STK24: variants seen among roughly 807,000 people sequenced by gnomAD.
STK24 encodes serine/threonine-protein kinase 24.
STK24 carries 21 observed loss-of-function variants against 55.6 expected under a neutral mutation model. The ratio of observed to expected loss-of-function variants is 0.38; its 90% confidence interval spans 0.27 to 0.54. STK24 has a LOEUF of 0.54. Ranked by LOEUF, STK24 falls within the 20% of genes least tolerant of loss-of-function variation. STK24 has a pLI of 0.79. For missense variants in STK24, 383 were observed against 538.4 expected (o/e 0.71, Z 2.86); for synonymous variants, 200 against 215.2 (o/e 0.93, Z 0.62).
At position 98,448,609 on chromosome 13, in the gene STK24, C is replaced by G. The variant is rs1442262087; in HGVS notation, c.*4564G>C. 2.8e-6 allele frequency: 1 copy of G among 362,362 alleles called. No homozygotes were observed. Among genetic ancestry groups the G allele is most frequent in the African/African-American group, 2.1e-5 (1 of 47,524 alleles). 22.4% of individuals were successfully genotyped at this position (362,362 alleles called of 1,614,324 possible). A position where few individuals can be genotyped will look rare whatever the true frequency, so the allele number is the denominator to read the frequency against. On this transcript the variant is annotated 3_prime_UTR_variant, in exon 11 of 11. Transcript: ENST00000539966. ...CAAATGACATCTTCCCTCCACCCTGCCCCTGAAAAACAGTACACACACATC... is the reference window on the plus strand; with the variant it reads ...CAAATGACATCTTCCCTCCACCCTGGCCCTGAAAAACAGTACACACACATC...
At position 98,466,359 on chromosome 13, in the gene STK24, A is replaced by G; in HGVS notation, c.783+17T>C. On this transcript the variant is annotated intron_variant, in intron 6 of 10. Transcript: ENST00000539966. ...GCCGCACATGAAGAGGTACGCTGTG[A>G]TCCCTGGGAAACTTACAAAGCTCGG... 1 of 1,611,302 alleles carries G rather than the reference A, an allele frequency of 6.2e-7. No individual in the cohort carries two copies. Among genetic ancestry groups the G allele is most frequent in the South Asian group, 1.1e-5 (1 of 90,928 alleles).
At chr13:98,550,450 G>A (rs543760473) in intron 1 of STK24, among the ~76,000 whole-genome samples, 4 of 152,262 alleles carry the variant, frequency 2.6e-5, no homozygotes, top group Admixed American at 6.5e-5. Context: ...GATCGCCTGC[G>A]CCTGGGAGGT....
At position 98,551,012 on chromosome 13, in the gene STK24, C is replaced by T. The variant is rs138443921; in HGVS notation, c.42+25733G>A. Among the ~76,000 whole-genome samples the T allele has an allele frequency of 8.9e-4, 135 of 152,138 alleles. 2 individuals are homozygous for T. In the East Asian group the frequency reaches 0.025, roughly 28 times the overall value. On this transcript the variant is annotated intron_variant, in intron 1 of 10. Transcript: ENST00000539966. ...CTATAAAAATCAACACTTGGCCGGGCGTGGTGGCTCACGCCTGTAATCCCA... is the reference window on the plus strand; with the variant it reads ...CTATAAAAATCAACACTTGGCCGGGTGTGGTGGCTCACGCCTGTAATCCCA...
chr13:98,463,713 A>G lies in STK24; in HGVS notation c.907T>C (p.Ser303Pro), dbSNP rs1199137075. 11 of 1,613,928 alleles carry G rather than the reference A, an allele frequency of 6.8e-6. No homozygotes were observed. The highest frequency in any genetic ancestry group is 9.3e-6 in the Non-Finnish European group (11 of 1,179,970). Residue 303 changes from serine (S) to proline (P), a missense_variant, in exon 7 of 11, where the codon TCG becomes CCG. Physicochemically the swap from Ser to Pro is moderately conservative, Grantham distance 74 (BLOSUM62 -1). Coordinates refer to ENST00000539966, the MANE Select transcript of STK24 (RefSeq NM_001032296.4). ...TACGCGTCGGAATCCTCGGAGCTCG[A>G]GTCGTCATGGCTCTGCTCGGCCTTC... ...RWKAEQSHDD[S>P]SSEDSDAETD...
intron 4 of STK24, 131 bp from the exon 5 acceptor site, chr13:98,475,109 G>A: frequency 1.4e-6 from 2 of 1,423,250 alleles, no homozygotes; most frequent in Non-Finnish European, 1.9e-6. Flanking sequence ...CTTTTTGTCA[G>A]ACCCCCTCAA....
chr13:98,543,626 C>T (rs1311533382), intron 1 of STK24, among the ~76,000 whole-genome samples: 8 of 152,168 alleles, frequency 5.3e-5, no homozygotes, highest in Admixed American at 5.2e-4. Flanking sequence ...AGAGGGGAGG[C>T]AGCAACAGGA....
At chr13:98,522,808 C>A (rs1475376823) in intron 1 of STK24, among the ~76,000 whole-genome samples, 2 of 152,166 alleles carry the variant, frequency 1.3e-5, no homozygotes, top group African/African-American at 4.8e-5. Flanking sequence ...AATAAGAAAA[C>A]CCCAGACTCA....
intron 1 of STK24, among the ~76,000 whole-genome samples, chr13:98,560,388 T>C (rs1309023966): frequency 2.6e-5 from 4 of 152,220 alleles, no homozygotes; most frequent in Non-Finnish European, 5.9e-5. Context: ...AAAAGCAGAC[T>C]GGTCCTATTT....
rs753343913 is a variant in STK24 at position 98,576,772 on chromosome 13, C to G, written c.15G>C (p.Pro5=). 6.9e-7 allele frequency: 1 copy of G among 1,441,928 alleles called. No homozygotes were observed. The highest frequency in any genetic ancestry group is 1.3e-5 in the South Asian group (1 of 76,588). The allele number at this position is 1,441,928 out of a possible 1,614,324, so 89.3% of individuals were successfully genotyped here. MAHS[P]VQSGLPGMQN... is the part of the protein sequence containing the mutation. ...GCATGCCGGGCAGGCCCGACTGCACCGGGGAGTGAGCCATGGCGCTCAGGA... is the reference window on the plus strand; with the variant it reads ...GCATGCCGGGCAGGCCCGACTGCACGGGGGAGTGAGCCATGGCGCTCAGGA... The change falls in exon 1 of 11, where the codon CCG becomes CCC. Residue 5 remains proline (P), a synonymous_variant. Transcript: ENST00000539966.
intron 7 of STK24, 96 bp from the exon 8 acceptor site, chr13:98,461,993 C>T (rs1566346179): frequency 1.3e-6 from 2 of 1,495,134 alleles, no homozygotes; most frequent in Non-Finnish European, 1.8e-6. Context: ...GACCTCTAAA[C>T]CCACACCCAC....
At chr13:98,525,369 C>T (rs1470744474) in intron 1 of STK24, among the ~76,000 whole-genome samples, 4 of 152,218 alleles carry the variant, frequency 2.6e-5, no homozygotes, top group Admixed American at 2.0e-4. Context: ...CAGGGCAAGG[C>T]AGGAGAATCA....
At chr13:98,476,240 G>GCCCCCCCCCCCCCCC (rs138129188) in intron 3 of STK24, among the ~76,000 whole-genome samples, 1 of 141,594 alleles carries the variant, frequency 7.1e-6, no homozygotes, top group African/African-American at 2.6e-5. Flanking sequence ...CAGACGGGAA[G>GCCCCCCCCCCCCCCC]CCCCCCCCCG....
At chr13:98,483,174 G>A (rs1014596709) in intron 2 of STK24, among the ~76,000 whole-genome samples, 10 of 152,236 alleles carry the variant, frequency 6.6e-5, no homozygotes, top group Non-Finnish European at 1.5e-4. Context: ...GCAGGGTCTG[G>A]ATCCCGACTC....
At chr13:98,575,964 G>A (rs1456385652) in intron 1 of STK24, 1 of 924,234 alleles carries the variant, frequency 1.1e-6, no homozygotes, top group Non-Finnish European at 1.3e-6. Flanking sequence ...TCCCCAAAAA[G>A]TCACTGGTAG....
chr13:98,448,579 A>T lies in STK24; in HGVS notation c.*4594T>A, dbSNP rs1021892915. The T allele has an allele frequency of 1.4e-5, 6 of 441,068 alleles. No homozygotes were observed. Among genetic ancestry groups the T allele is most frequent in the South Asian group, 8.5e-5 (3 of 35,264 alleles). The allele number at this position is 441,068 out of a possible 1,614,324, so 27.3% of individuals were successfully genotyped here. ...AGTATTAAAACATTGTCATTACGAG[A>T]GTGCCAAATGACATCTTCCCTCCAC... On this transcript the variant is annotated 3_prime_UTR_variant, in exon 11 of 11. Transcript: ENST00000539966.
rs398024117 is a variant in STK24, at chr13:98,555,014, C to CAA, written c.42+21729_42+21730dup. Among the ~76,000 whole-genome samples the CAA allele has an allele frequency of 6.5e-3, 575 of 88,290 alleles. 12 individuals carry two copies. Among genetic ancestry groups the CAA allele is most frequent in the African/African-American group, 0.023 (532 of 23,222 alleles). The allele number at this position is 88,290 out of a possible 152,430, so 57.9% of individuals were successfully genotyped here. A position where few individuals can be genotyped will look rare whatever the true frequency, so the allele number is the denominator to read the frequency against. On this transcript the variant is annotated intron_variant, in intron 1 of 10. Coordinates refer to ENST00000539966, the MANE Select transcript of STK24 (RefSeq NM_001032296.4). ...TGGGAGGCAGAGCGAGACTCCAACT[C>CAA]AAAAAAAAAAAAAAAAAAAAGAAAG...
intron 2 of STK24, among the ~76,000 whole-genome samples, chr13:98,494,195 A>G (rs1895155739): frequency 3.5e-5 from 5 of 144,916 alleles, no homozygotes; most frequent in Admixed American, 3.4e-4. Flanking sequence ...GTGGATCACG[A>G]GGTCAGGAGA....
intron 2 of STK24, among the ~76,000 whole-genome samples, chr13:98,496,948 G>A (rs1197608615): frequency 6.6e-6 from 1 of 152,210 alleles, no homozygotes; most frequent in Non-Finnish European, 1.5e-5. Flanking sequence ...CACATCATCT[G>A]CGGGTACACA....
At position 98,448,400 on chromosome 13, in the gene STK24, T is replaced by A; in HGVS notation, c.*4773A>T. The A allele has an allele frequency of 9.0e-7, 1 of 1,111,976 alleles. No homozygotes were observed. The highest frequency in any genetic ancestry group is 1.4e-6 in the Non-Finnish European group (1 of 728,934). The allele number at this position is 1,111,976 out of a possible 1,614,324, so 68.9% of individuals were successfully genotyped here. A position where few individuals can be genotyped will look rare whatever the true frequency, so the allele number is the denominator to read the frequency against. On this transcript the variant is annotated 3_prime_UTR_variant, in exon 11 of 11. Coordinates refer to ENST00000539966, the MANE Select transcript of STK24 (RefSeq NM_001032296.4). ...CTGTATTAATGAAGCCTGGTAAAATTAACACCTGTCTGAAAATCAAAAACA... is the reference window on the plus strand; with the variant it reads ...CTGTATTAATGAAGCCTGGTAAAATAAACACCTGTCTGAAAATCAAAAACA...
Sources: gnomAD v4.1 joint callset for allele counts (sites outside exome capture counted in the v4.1 genomes callset) on GRCh38, gnomAD v4.1.1 for gene constraint, MANE v1.5 for transcripts, NCBI Gene and HGNC (gene_info 2026-07-23, HGNC 2026-07-21) for gene names.